The following CACFD1 variants were observed in gnomAD, a reference collection of about 807,000 sequenced individuals.
CACFD1 encodes calcium channel flower homolog.
Under a neutral mutation model 21.3 loss-of-function variants are expected in CACFD1, and 26 were observed. That is an observed-to-expected ratio of 1.22 (90% confidence interval 0.89 to 1.69). The LOEUF is 1.69. Ranked by LOEUF, CACFD1 falls within the 40% of genes most tolerant of loss-of-function variation. The pLI is 0.00. For synonymous variants in CACFD1, 121 were observed against 106.6 expected, an observed-to-expected ratio of 1.13 and a Z score of -0.83; for missense variants, 265 against 236.2, an observed-to-expected ratio of 1.12 and a Z score of -0.80.
At position 133,469,359 on chromosome 9, in the gene CACFD1, G is replaced by T. The variant is rs1751014582; in HGVS notation, c.*706G>T. On this transcript the variant is annotated 3_prime_UTR_variant, in exon 5 of 5. Transcript: ENST00000316948. ...CTGCCCATCACCCCCCGCCCCTGCT[G>T]GCCTTGGTGCTAAGGAAGTGGGGAG... 6.6e-6 allele frequency: 1 copy of T among 152,386 alleles called. No homozygotes were observed. Among genetic ancestry groups the T allele is most frequent in the Non-Finnish European group, 1.5e-5 (1 of 68,220 alleles). 9.4% of individuals were successfully genotyped at this position (152,386 alleles called of 1,614,324 possible).
Position 133,465,460 on chromosome 9 carries a change from T to C in CACFD1, c.320+13T>C. 1 of 1,599,682 alleles carries C rather than the reference T, an allele frequency of 6.3e-7. No individual in the cohort carries two copies. The highest frequency in any genetic ancestry group is 8.5e-7 in the Non-Finnish European group (1 of 1,171,820). Reference sequence around the variant, plus strand: ...TCTTCTACTGCGGGTGAGGGGTTGCTGGGCAGGGTCCCGTGACACAGTTCC... The same window carrying C: ...TCTTCTACTGCGGGTGAGGGGTTGCCGGGCAGGGTCCCGTGACACAGTTCC... On this transcript the variant is annotated intron_variant, in intron 3 of 4. Transcript: ENST00000316948. The surrounding 1 kb of genome is among the most constrained non-coding windows in gnomAD (Gnocchi z 5.0).
At position 133,469,861 on chromosome 9, in the gene CACFD1, TGGAGCGCAGGTA is replaced by T. The variant is rs1554800595; in HGVS notation, c.*1209_*1220del. 1 of 152,276 alleles carries T rather than the reference TGGAGCGCAGGTA, an allele frequency of 6.6e-6. No homozygotes were observed. Among genetic ancestry groups the T allele is most frequent in the Non-Finnish European group, 1.5e-5 (1 of 68,044 alleles). 9.4% of individuals were successfully genotyped at this position (152,276 alleles called of 1,614,324 possible). ...CCAGGCTGGGCCTGCGCTGAGCTTCTGGAGCGCAGGTACTGGGTCTTGCTAAGTGAACTGTTT... is the reference window on the plus strand; with the variant it reads ...CCAGGCTGGGCCTGCGCTGAGCTTCTCTGGGTCTTGCTAAGTGAACTGTTT... On this transcript the variant is annotated 3_prime_UTR_variant, in exon 5 of 5. Transcript: ENST00000316948.
At chr9:133,462,905 C>T (rs1014496440) in intron 1 of CACFD1, among the ~76,000 whole-genome samples, 4 of 152,218 alleles carry the variant, frequency 2.6e-5, no homozygotes, top group Non-Finnish European at 5.9e-5. Context: ...ATGAAGATAG[C>T]GTGCCAGTGG....
chr9:133,468,641 G>T lies in CACFD1; in HGVS notation c.507G>T (p.Glu169Asp), dbSNP rs144772039. Residue 169 changes from glutamate to aspartate, a missense_variant, in exon 5 of 5, where the codon GAG (glutamate) becomes GAT (aspartate). Coordinates refer to ENST00000316948, the MANE Select transcript of CACFD1 (RefSeq NM_017586.5). Reference sequence around the variant, plus strand: ...AGGAGAAGCTCGCGGAGACCCTGGAGGGGGAGCTGTGAAGGGCTGGGCGCC... The same window carrying T: ...AGGAGAAGCTCGCGGAGACCCTGGATGGGGAGCTGTGAAGGGCTGGGCGCC... ...ADEEKLAETL[E>D]GEL 6.3e-7 allele frequency: 1 copy of T among 1,578,068 alleles called. No homozygotes were observed. The highest frequency in any genetic ancestry group is 8.6e-7 in the Non-Finnish European group (1 of 1,164,922).
intron 2 of CACFD1, 27 bp downstream of exon 2, chr9:133,463,582 C>G (rs369908484): frequency 1.9e-6 from 3 of 1,612,386 alleles, no homozygotes; most frequent in Non-Finnish European, 2.5e-6. Flanking sequence ...CGTCCCACCC[C>G]GGGGGTCTTG....
intron 1 of CACFD1, 180 bp from the exon 2 acceptor site, chr9:133,463,303 C>A: frequency 4.1e-6 from 3 of 739,478 alleles, no homozygotes; most frequent in Non-Finnish European, 5.0e-6. Flanking sequence ...CAAGGCACTG[C>A]ACCTCTCTGC....
chr9:133,467,878 C>A, intron 3 of CACFD1, 43 bp from the exon 4 acceptor site: 1 of 1,396,928 alleles, frequency 7.2e-7, no homozygotes, highest in Non-Finnish European at 1.0e-6. Flanking sequence ...GATGTGGTGG[C>A]TGTGGGGCCG....
Position 133,465,152 on chromosome 9 carries a change from C to T in CACFD1, c.195-170C>T, listed in dbSNP as rs959035327. ...TGCTGGAGTCTTCAGCAGAGGCTCT[C>T]CGAGGGGTACGAGCAGGTGCCCTGG... On this transcript the variant is annotated intron_variant, in intron 2 of 4. Transcript: ENST00000316948. The surrounding 1 kb of genome is among the most constrained non-coding windows in gnomAD (Gnocchi z 5.0). 2.9e-6 allele frequency: 2 copies of T among 685,162 alleles called. No individual in the cohort carries two copies. The highest frequency in any genetic ancestry group is 1.8e-5 in the African/African-American group (1 of 56,796). 42.4% of individuals were successfully genotyped at this position (685,162 alleles called of 1,614,324 possible).
intron 4 of CACFD1, chr9:133,468,241 G>A: frequency 7.2e-7 from 1 of 1,398,158 alleles, no homozygotes; most frequent in Non-Finnish European, 9.5e-7. Context: ...CCCCGTCACG[G>A]CCTGCAGCAA....
Position 133,469,764 on chromosome 9 carries a change from G to A in CACFD1, c.*1111G>A, listed in dbSNP as rs71503201. ...TCAGCCATCGGGCAGGTGCCTGGTC[G>A]GGCCTGGCTTAGCCCAGGTGGGGTT... is the stretch of plus-strand genomic sequence containing the variant. On this transcript the variant is annotated 3_prime_UTR_variant, in exon 5 of 5. Coordinates refer to ENST00000316948, the MANE Select transcript of CACFD1 (RefSeq NM_017586.5). 0.033 allele frequency: 4,955 copies of A among 152,442 alleles called. 107 individuals are homozygous for A. The highest frequency in any genetic ancestry group is 0.054 in the Middle Eastern group (16 of 294). The allele number at this position is 152,442 out of a possible 1,614,324, so 9.4% of individuals were successfully genotyped here.
chr9:133,460,950 A>G (rs953671644), intron 1 of CACFD1, among the ~76,000 whole-genome samples: 1 of 152,216 alleles, frequency 6.6e-6, no homozygotes, highest in African/African-American at 2.4e-5. Context: ...ACAGCCAGAA[A>G]AGGACAAAGA....
chr9:133,461,919 G>A, intron 1 of CACFD1: 1 of 985,436 alleles, frequency 1.0e-6, no homozygotes, highest in Non-Finnish European at 1.2e-6. Flanking sequence ...TCCAGGGTGA[G>A]GGGATCAGAG....
intron 1 of CACFD1, chr9:133,462,115 A>T: frequency 7.7e-7 from 1 of 1,303,486 alleles, no homozygotes; most frequent in African/African-American, 1.5e-5. Flanking sequence ...GTCTGGCTTG[A>T]CACCTGGTCC....
intron 4 of CACFD1, 152 bp downstream of exon 4, chr9:133,468,180 C>T (rs1048644979): frequency 1.9e-5 from 21 of 1,091,582 alleles, no homozygotes; most frequent in South Asian, 1.3e-4. Context: ...GGGCTCAGCT[C>T]GAGTGGGTGA....
At chr9:133,463,678 C>A in intron 2 of CACFD1, 123 bp downstream of exon 2, 1 of 984,300 alleles carries the variant, frequency 1.0e-6, no homozygotes, top group Non-Finnish European at 1.6e-6. Flanking sequence ...GCCATGGCTA[C>A]TGGCTCCAGC....
chr9:133,464,992 G>T (rs1232465812), intron 2 of CACFD1: 2 of 264,082 alleles, frequency 7.6e-6, no homozygotes, highest in Non-Finnish European at 1.5e-5. Flanking sequence ...CAGCGTTGTA[G>T]CAGTGCCATG....
chr9:133,462,413 A>G (rs910027978), intron 1 of CACFD1, among the ~76,000 whole-genome samples: 32 of 152,232 alleles, frequency 2.1e-4, no homozygotes, highest in African/African-American at 7.7e-4. Flanking sequence ...CCCATGAAGC[A>G]GTCCCATTGC....
In CACFD1 at chr9:133,465,099, A is replaced by T; in HGVS notation, c.195-223A>T. 1 of 571,548 alleles carries T rather than the reference A, an allele frequency of 1.7e-6. No homozygotes were observed. Among genetic ancestry groups the T allele is most frequent in the South Asian group, 2.0e-5 (1 of 50,044 alleles). The allele number at this position is 571,548 out of a possible 1,614,324, so 35.4% of individuals were successfully genotyped here. ...CTAGGAGTGTTCAGTTCAGCTGGGG[A>T]GATGGGTGTGCAGGAGCAGCTGGGG... On this transcript the variant is annotated intron_variant, in intron 2 of 4. Transcript: ENST00000316948. The surrounding 1 kb of genome is among the most constrained non-coding windows in gnomAD (Gnocchi z 5.0).
intron 1 of CACFD1, 87 bp from the exon 2 acceptor site, chr9:133,463,396 G>T (rs973353823): frequency 1.3e-5 from 21 of 1,603,820 alleles, no homozygotes; most frequent in Non-Finnish European, 1.7e-5. Flanking sequence ...AGAGACTCTC[G>T]TCCTTTCCAG....
Sources: allele counts gnomAD v4.1 joint callset (sites outside exome capture counted in the v4.1 genomes callset), GRCh38; gene constraint gnomAD v4.1.1; non-coding constraint Gnocchi (gnomAD v3.1); transcripts MANE v1.5; gene names NCBI Gene and HGNC (gene_info 2026-07-23, HGNC 2026-07-21).